The following SPSB4 variants were observed in gnomAD, a reference collection of about 807,000 sequenced individuals.
The protein encoded by SPSB4 is SPRY domain-containing SOCS box protein 4.
SPSB4 carries 21 observed loss-of-function variants against 20.9 expected under a neutral mutation model. The ratio of observed to expected loss-of-function variants is 1.01; its 90% CI spans 0.71 to 1.45. The LOEUF is 1.45. Ranked by LOEUF, SPSB4 falls within the 40% of genes most tolerant of loss-of-function variation. The pLI is 0.00. For missense variants in SPSB4, 399 were observed against 399.2 expected (o/e 1.00, Z 0.00); for synonymous variants, 207 against 183.8 (o/e 1.13, Z -1.02).
At chr3:141,101,517 G>A (rs1018838335) in intron 2 of SPSB4, among the ~76,000 whole-genome samples, 3 of 152,168 alleles carry the variant, frequency 2.0e-5, no homozygotes, top group East Asian at 1.9e-4. Context: ...AACCATGACT[G>A]AGTTACTCAA....
chr3:141,133,266 T>C (rs1939164794), intron 2 of SPSB4, among the ~76,000 whole-genome samples: 1 of 152,298 alleles, frequency 6.6e-6, no homozygotes, highest in African/African-American at 2.4e-5. Flanking sequence ...ACTCTGCTGA[T>C]TATTTTGCTG....
rs144070880 is a variant in SPSB4 at position 141,147,582 on chromosome 3, G to A, written c.*313G>A. Reference sequence around the variant, plus strand: ...CAGCAGCCACCGTATTGATCAGAGAGCCTGTTTCCTTATTCAAGAGAATGA... The same window carrying A: ...CAGCAGCCACCGTATTGATCAGAGAACCTGTTTCCTTATTCAAGAGAATGA... On this transcript the variant is annotated 3_prime_UTR_variant, in exon 3 of 3. Transcript: ENST00000310546. 6.8e-6 allele frequency: 2 copies of A among 292,502 alleles called. No homozygotes were observed. The highest frequency in any genetic ancestry group is 8.8e-5 in the South Asian group (1 of 11,312). The allele number at this position is 292,502 out of a possible 1,614,324, so 18.1% of individuals were successfully genotyped here.
At chr3:141,078,004 C>T (rs1282698533) in intron 2 of SPSB4, among the ~76,000 whole-genome samples, 2 of 152,230 alleles carry the variant, frequency 1.3e-5, no homozygotes, top group Non-Finnish European at 2.9e-5. Flanking sequence ...TGAGGTGCCC[C>T]TTGGCTTTGG....
In SPSB4 at chr3:141,067,264, A is replaced by G. The variant is rs143308801; in HGVS notation, c.694+466A>G. 2.7e-3 allele frequency among the ~76,000 whole-genome samples: 418 copies of G among 152,352 alleles called. 3 individuals carry two copies. The highest frequency in any genetic ancestry group is 9.7e-3 in the African/African-American group (404 of 41,574). On this transcript the variant is annotated intron_variant, in intron 2 of 2. Transcript: ENST00000310546. ...CATGTACTCAAGTTATTGATAAGTA[A>G]TAAGTACTGATAACCGTCCTTTATT...
At chr3:141,053,631 G>T (rs1936133182) in intron 1 of SPSB4, among the ~76,000 whole-genome samples, 1 of 151,876 alleles carries the variant, frequency 6.6e-6, no homozygotes, top group Admixed American at 6.6e-5. Flanking sequence ...AAGATCAAAT[G>T]GGCAAAGACA....
chr3:141,142,748 G>C (rs908804776), intron 2 of SPSB4, among the ~76,000 whole-genome samples: 1 of 140,054 alleles, frequency 7.1e-6, no homozygotes, highest in Non-Finnish European at 1.5e-5. Flanking sequence ...ATTTAGGATT[G>C]TGATATTTTC....
intron 2 of SPSB4, among the ~76,000 whole-genome samples, chr3:141,104,349 T>G (rs1938655674): frequency 6.6e-6 from 1 of 152,114 alleles, no homozygotes; most frequent in Non-Finnish European, 1.5e-5. Context: ...TACATGAGAC[T>G]GGCAAGAGGG....
At chr3:141,123,871 TCCAA>T (rs1394158575) in intron 2 of SPSB4, among the ~76,000 whole-genome samples, 1 of 152,204 alleles carries the variant, frequency 6.6e-6, no homozygotes, top group Non-Finnish European at 1.5e-5. Flanking sequence ...GGCCAGCATG[TCCAA>T]CCATTGTGCA....
At chr3:141,119,322 A>G (rs1285410258) in intron 2 of SPSB4, among the ~76,000 whole-genome samples, 1 of 152,060 alleles carries the variant, frequency 6.6e-6, no homozygotes, top group Admixed American at 6.5e-5. Flanking sequence ...AATGCTTCTG[A>G]TTTTTGCACA....
chr3:141,107,103 T>G (rs1225480481), intron 2 of SPSB4, among the ~76,000 whole-genome samples: 2 of 152,182 alleles, frequency 1.3e-5, no homozygotes, highest in South Asian at 4.1e-4. Context: ...AATGTGCTGA[T>G]TGGCTCAGCC....
intron 2 of SPSB4, among the ~76,000 whole-genome samples, chr3:141,089,897 CT>C (rs1477800304): frequency 1.3e-5 from 2 of 152,086 alleles, no homozygotes; most frequent in South Asian, 2.1e-4. Context: ...TTTAGAATTG[CT>C]TTTTTTGTTG....
chr3:141,137,183 T>C (rs1014299225), intron 2 of SPSB4, among the ~76,000 whole-genome samples: 4 of 152,230 alleles, frequency 2.6e-5, no homozygotes, highest in Non-Finnish European at 4.4e-5. Context: ...TTTTTGCACA[T>C]TGATTTTGTA....
chr3:141,118,062 C>T (rs1323188322), intron 2 of SPSB4, among the ~76,000 whole-genome samples: 1 of 152,170 alleles, frequency 6.6e-6, no homozygotes, highest in African/African-American at 2.4e-5. Flanking sequence ...GGTTCTAGAT[C>T]CTTGAGGAAT....
At chr3:141,088,977 T>C (rs1447875028) in intron 2 of SPSB4, among the ~76,000 whole-genome samples, 1 of 152,210 alleles carries the variant, frequency 6.6e-6, no homozygotes, top group Non-Finnish European at 1.5e-5. Flanking sequence ...CACTGATATA[T>C]ACACTTTCTT....
chr3:141,077,870 G>C (rs1938146874), intron 2 of SPSB4, among the ~76,000 whole-genome samples: 1 of 152,220 alleles, frequency 6.6e-6, no homozygotes, highest in African/African-American at 2.4e-5. Flanking sequence ...GGCTGCATGT[G>C]GATTGTGGGA....
chr3:141,105,458 G>A (rs942264530), intron 2 of SPSB4, among the ~76,000 whole-genome samples: 2 of 152,156 alleles, frequency 1.3e-5, no homozygotes, highest in Non-Finnish European at 2.9e-5. Context: ...GCTATATTAT[G>A]CCAAGCATTC....
intron 2 of SPSB4, among the ~76,000 whole-genome samples, chr3:141,078,088 G>T (rs1938153523): frequency 6.6e-6 from 1 of 152,212 alleles, no homozygotes; most frequent in African/African-American, 2.4e-5. Context: ...TTAAAATCCT[G>T]TGAGTGTCTG....
At chr3:141,062,017 G>A (rs149056364) in intron 1 of SPSB4, among the ~76,000 whole-genome samples, 3 of 152,308 alleles carry the variant, frequency 2.0e-5, no homozygotes, top group Admixed American at 1.3e-4. Flanking sequence ...TTACAGGTGT[G>A]AGCCACCAAG....
chr3:141,130,085 T>C (rs1439558336), intron 2 of SPSB4, among the ~76,000 whole-genome samples: 1 of 152,232 alleles, frequency 6.6e-6, no homozygotes, highest in Non-Finnish European at 1.5e-5. Flanking sequence ...GAGGTCTCTG[T>C]TGGCCATGAC....
Sources: allele counts gnomAD v4.1 joint callset (sites outside exome capture counted in the v4.1 genomes callset), GRCh38; gene constraint gnomAD v4.1.1; transcripts MANE v1.5; gene names NCBI Gene and HGNC (gene_info 2026-07-23, HGNC 2026-07-21).